HDAC9: variants seen among roughly 807,000 people sequenced by gnomAD.
HDAC9 encodes the protein MEF-2 interacting transcription repressor (MITR) protein.
Under a neutral mutation model 139.4 loss-of-function variants are expected in HDAC9, and 41 were observed. The observed-to-expected ratio is 0.29, with a 90% CI of 0.23 to 0.38. HDAC9 has a LOEUF of 0.38. Ranked by LOEUF, HDAC9 falls within the 10% of genes least tolerant of loss-of-function variation. HDAC9 has a pLI of 1.00. For missense variants in HDAC9, 1,147 were observed against 1,297.0 expected (o/e 0.88, Z 1.78); for synonymous variants, 517 against 476.2 (o/e 1.09, Z -1.12).
intron 1 of HDAC9, among the ~76,000 whole-genome samples, chr7:18,376,062 G>A (rs1784974180): frequency 6.6e-6 from 1 of 152,114 alleles, no homozygotes; most frequent in South Asian, 2.1e-4. Context: ...TAAAGAAGGA[G>A]CCAAGAGATC....
In HDAC9 at chr7:18,758,330, T is replaced by C. The variant is rs370526397; in HGVS notation, c.2044-3827T>C. On this transcript the variant is annotated intron_variant, in intron 14 of 25. Transcript: ENST00000686413. ...CCTTCGGACCAAGTATCTCTGAGAA[T>C]AGAAATCAGTACTCCCTAAATTAAG... Among the ~76,000 whole-genome samples the C allele has an allele frequency of 2.1e-4, 32 of 152,276 alleles. No individual in the cohort carries two copies. In the South Asian group the frequency reaches 6.6e-3, roughly 32 times the overall value.
At chr7:18,626,027 C>T (rs895167520) in intron 6 of HDAC9, among the ~76,000 whole-genome samples, 3 of 148,596 alleles carry the variant, frequency 2.0e-5, no homozygotes, top group East Asian at 2.0e-4. Flanking sequence ...ATCTTTGCAG[C>T]GTGGGTCATA....
chr7:18,903,372 C>G (rs138596137), intron 22 of HDAC9, among the ~76,000 whole-genome samples: 291 of 152,260 alleles, frequency 1.9e-3, no homozygotes, highest in African/African-American at 6.5e-3. Context: ...GGTGTTAGAC[C>G]AAAATCAGGG....
intron 2 of HDAC9, among the ~76,000 whole-genome samples, chr7:18,552,843 G>C (rs1284401348): frequency 2.0e-5 from 3 of 152,172 alleles, no homozygotes; most frequent in Non-Finnish European, 4.4e-5. Context: ...ATTTCAGTGT[G>C]TATGTGTGTT....
intron 2 of HDAC9, among the ~76,000 whole-genome samples, chr7:18,219,927 C>T (rs889692979): frequency 6.6e-6 from 1 of 152,160 alleles, no homozygotes; most frequent in Non-Finnish European, 1.5e-5. Context: ...ACTCTGTTTC[C>T]TGCCTTGTGG....
At chr7:18,972,218 C>T (rs960108967) in intron 24 of HDAC9, among the ~76,000 whole-genome samples, 1 of 152,076 alleles carries the variant, frequency 6.6e-6, no homozygotes, top group Non-Finnish European at 1.5e-5. Flanking sequence ...AGAATGAGAG[C>T]AGGAATAAAA....
At chr7:18,624,499 G>A (rs1226994076) in intron 6 of HDAC9, among the ~76,000 whole-genome samples, 1 of 152,118 alleles carries the variant, frequency 6.6e-6, no homozygotes, top group Non-Finnish European at 1.5e-5. Flanking sequence ...ATGATTAATT[G>A]AGATGTAGAG....
intron 6 of HDAC9, among the ~76,000 whole-genome samples, chr7:18,618,343 T>A (rs1283876006): frequency 1.3e-5 from 2 of 152,048 alleles, no homozygotes; most frequent in East Asian, 3.8e-4. Flanking sequence ...GGAAAACAAC[T>A]CCAGACTCTT....
chr7:18,582,235 A>C (rs1238489215), intron 2 of HDAC9, among the ~76,000 whole-genome samples: 1 of 152,212 alleles, frequency 6.6e-6, no homozygotes, highest in African/African-American at 2.4e-5. Context: ...AGTTACTTAT[A>C]GTAATAGAGC....
chr7:18,759,558 T>G (rs1423582262), intron 14 of HDAC9, among the ~76,000 whole-genome samples: 1 of 151,976 alleles, frequency 6.6e-6, no homozygotes, highest in East Asian at 1.9e-4. Flanking sequence ...TTATGGTGAG[T>G]TGTATAATTA....
At chr7:18,668,184 C>A in intron 12 of HDAC9, 1 of 851,938 alleles carries the variant, frequency 1.2e-6, no homozygotes, top group Non-Finnish European at 1.4e-6. Flanking sequence ...ATTAAATTAA[C>A]ATAACTAGAA....
intron 2 of HDAC9, among the ~76,000 whole-genome samples, chr7:18,552,244 G>A (rs1321725238): frequency 1.3e-5 from 2 of 152,110 alleles, no homozygotes; most frequent in Non-Finnish European, 2.9e-5. Flanking sequence ...TATTAGTAAT[G>A]CAAATTATGA....
chr7:18,332,360 C>CGT (rs1800982025), intron 1 of HDAC9, among the ~76,000 whole-genome samples: 1 of 114,060 alleles, frequency 8.8e-6, no homozygotes, highest in African/African-American at 3.6e-5. Flanking sequence ...TGCATGCGCA[C>CGT]ATGTGTGTGT....
At chr7:18,354,495 CTG>C (rs1324096341) in intron 1 of HDAC9, among the ~76,000 whole-genome samples, 18 of 152,102 alleles carry the variant, frequency 1.2e-4, no homozygotes, top group Non-Finnish European at 2.4e-4. Flanking sequence ...CTTTTAGAGA[CTG>C]TGTTTAGTGG....
chr7:18,783,316 GT>G (rs1791412785), intron 16 of HDAC9, among the ~76,000 whole-genome samples: 1 of 152,044 alleles, frequency 6.6e-6, no homozygotes, highest in Non-Finnish European at 1.5e-5. Context: ...TCTCTATGAA[GT>G]TAATGCTTCT....
At chr7:18,389,123 G>A (rs552050746) in intron 1 of HDAC9, among the ~76,000 whole-genome samples, 69 of 152,230 alleles carry the variant, frequency 4.5e-4, no homozygotes, top group African/African-American at 1.6e-3. Flanking sequence ...GGTATGAGTT[G>A]CCAGTATTCC....
At chr7:18,913,962 ATGTT>A (rs1802962959) in intron 22 of HDAC9, among the ~76,000 whole-genome samples, 1 of 152,044 alleles carries the variant, frequency 6.6e-6, no homozygotes, top group African/African-American at 2.4e-5. Context: ...TATGGTCTGA[ATGTT>A]TGTGTCCTCT....
intron 1 of HDAC9, among the ~76,000 whole-genome samples, chr7:18,451,885 A>G (rs1792902963): frequency 6.6e-6 from 1 of 152,134 alleles, no homozygotes; most frequent in African/African-American, 2.4e-5. Context: ...GCACCTGGAC[A>G]CTAGGGGAAT....
chr7:18,284,167 A>G lies in HDAC9; in HGVS notation c.25+121818A>G, dbSNP rs184485190. Among the ~76,000 whole-genome samples the G allele has an allele frequency of 1.4e-4, 21 of 152,246 alleles. 1 individual carries two copies. The East Asian group carries it at 3.5e-3, about 25-fold the overall frequency. On this transcript the variant is annotated intron_variant, in intron 2 of 12. Transcript: ENST00000417496. Reference sequence around the variant, plus strand: ...TAATGAGGCAATTTTTGCTTTGTCTATATATATTTTGTGTATTACTTGATT... The same window carrying G: ...TAATGAGGCAATTTTTGCTTTGTCTGTATATATTTTGTGTATTACTTGATT...
Sources: gnomAD v4.1 joint callset for allele counts (sites outside exome capture counted in the v4.1 genomes callset) on GRCh38, gnomAD v4.1.1 for gene constraint, MANE v1.5 for transcripts, NCBI Gene and HGNC (gene_info 2026-07-23, HGNC 2026-07-21) for gene names.